The following KIAA0040 variants were observed in gnomAD, a reference collection of about 807,000 sequenced individuals.
KIAA0040 encodes the protein KIAA0040, also known as uncharacterized protein KIAA0040.
In KIAA0040, 10 loss-of-function variants were observed where a neutral mutation model predicts 7.2. That is an observed-to-expected ratio of 1.38 (90% CI 0.85 to 2.34). The LOEUF is 2.34. KIAA0040 is among the 30% of genes most tolerant of loss of function. KIAA0040 has a pLI of 0.00. For synonymous variants in KIAA0040, 49 were observed against 40.1 expected (o/e 1.22, Z -0.84); for missense variants, 89 against 108.2 (o/e 0.82, Z 0.79).
At chr1:175,181,630 C>A (rs1677442485) in intron 1 of KIAA0040, among the ~76,000 whole-genome samples, 2 of 152,068 alleles carry the variant, frequency 1.3e-5, no homozygotes, top group South Asian at 4.1e-4. Flanking sequence ...GGGAACTGGA[C>A]AAGCACAGGC....
chr1:175,166,316 A>C (rs905716035), intron 3 of KIAA0040, among the ~76,000 whole-genome samples: 7 of 152,182 alleles, frequency 4.6e-5, no homozygotes, highest in African/African-American at 1.7e-4. Context: ...GGCTACGAAG[A>C]GTCATTTAAG....
intron 1 of KIAA0040, among the ~76,000 whole-genome samples, chr1:175,178,114 AACCAGGCCAGCCCCTTC>A (rs1331627568): frequency 6.6e-6 from 1 of 152,166 alleles, no homozygotes; most frequent in African/African-American, 2.4e-5. Context: ...TCCCCTCTAC[AACCAGGCCAGCCCCTTC>A]ACCTACTTGT....
rs1676343763 is a variant in KIAA0040, at chr1:175,157,756, T to C, written c.*2958A>G. The C allele has an allele frequency of 6.6e-6, 1 of 152,068 alleles. No individual in the cohort carries two copies. The highest frequency in any genetic ancestry group is 1.9e-4 in the East Asian group (1 of 5,168). The allele number at this position is 152,068 out of a possible 1,614,324, so 9.4% of individuals were successfully genotyped here. ...AAAGGAGCAATGGGGAAAGGCCTCC[T>C]CTGGCTGCCGTCCGGAGCCTGGCTA... On this transcript the variant is annotated 3_prime_UTR_variant, in exon 4 of 4. Transcript: ENST00000423313.
In KIAA0040 at chr1:175,160,896, T is replaced by C. The variant is rs377186715; in HGVS notation, c.118A>G (p.Ile40Val). ...CAACAGATGAAGAGGAGTGTGATGATCACCAAGAGTGGCAGGCCCAGGAGG... is the reference window on the plus strand; with the variant it reads ...CAACAGATGAAGAGGAGTGTGATGACCACCAAGAGTGGCAGGCCCAGGAGG... The part of the protein sequence containing the change: ...GVLLGLPLLV[I>V]ITLLFICCHC... The change falls in exon 4 of 4, where the codon ATC (isoleucine) becomes GTC (valine). Residue 40 changes from isoleucine (I) to valine (V), a missense_variant. By Grantham distance (29) the Ile-to-Val change is conservative. Transcript: ENST00000423313. 3.2e-6 allele frequency: 5 copies of C among 1,551,538 alleles called. No individual in the cohort carries two copies. The highest frequency in any genetic ancestry group is 4.9e-5 in the East Asian group (2 of 40,906).
At chr1:175,164,674 T>C (rs188254361) in intron 3 of KIAA0040, among the ~76,000 whole-genome samples, 2 of 152,344 alleles carry the variant, frequency 1.3e-5, no homozygotes, top group Admixed American at 6.5e-5. Flanking sequence ...TCATTAACAT[T>C]TGGGAAGCCA....
intron 3 of KIAA0040, among the ~76,000 whole-genome samples, chr1:175,166,159 T>C (rs1210359897): frequency 1.3e-5 from 2 of 152,066 alleles, no homozygotes; most frequent in Non-Finnish European, 2.9e-5. Context: ...TGGGGGGCCA[T>C]TTTATAACTG....
chr1:175,159,104 A>G lies in KIAA0040; in HGVS notation c.*1610T>C, dbSNP rs763857905. 1.3e-5 allele frequency: 2 copies of G among 152,280 alleles called. No individual in the cohort carries two copies. The highest frequency in any genetic ancestry group is 2.9e-5 in the Non-Finnish European group (2 of 68,032). 9.4% of individuals were successfully genotyped at this position (152,280 alleles called of 1,614,324 possible). On this transcript the variant is annotated 3_prime_UTR_variant, in exon 4 of 4. Transcript: ENST00000423313. ...AAATATTTCAAGAGAGCTGCCCAGC[A>G]TATTTGTAAATAAACTTCTAGAGCA...
chr1:175,169,373 G>A (rs74795912), intron 2 of KIAA0040, among the ~76,000 whole-genome samples: 2,238 of 152,246 alleles, frequency 0.015, 60 homozygotes, highest in African/African-American at 0.052. Context: ...CATTGGGCAG[G>A]TTAACCTCTC....
At chr1:175,185,300 G>A (rs1388261701) in intron 1 of KIAA0040, among the ~76,000 whole-genome samples, 1 of 152,182 alleles carries the variant, frequency 6.6e-6, no homozygotes, top group Non-Finnish European at 1.5e-5. Context: ...ATGAGGGTTA[G>A]GTAAGGGAAA....
At chr1:175,182,905 T>G (rs1677494275) in intron 1 of KIAA0040, among the ~76,000 whole-genome samples, 2 of 152,164 alleles carry the variant, frequency 1.3e-5, no homozygotes, top group Admixed American at 1.3e-4. Flanking sequence ...GCTTGTGACC[T>G]CTGCTGGGGC....
chr1:175,160,507 T>G lies in KIAA0040; in HGVS notation c.*207A>C. On this transcript the variant is annotated 3_prime_UTR_variant, in exon 4 of 4. Transcript: ENST00000423313. The stretch of plus-strand genomic sequence containing the variant: ...GTAAGGAGCATTGCTATTGGACACA[T>G]AGCTGCCAAGACAGTATCCAAGAAT... 1 of 576,804 alleles carries G rather than the reference T, an allele frequency of 1.7e-6. No homozygotes were observed. Among genetic ancestry groups the G allele is most frequent in the Non-Finnish European group, 3.1e-6 (1 of 327,422 alleles). 35.7% of individuals were successfully genotyped at this position (576,804 alleles called of 1,614,324 possible).
At chr1:175,189,409 G>A (rs915486767) in intron 1 of KIAA0040, among the ~76,000 whole-genome samples, 2 of 152,178 alleles carry the variant, frequency 1.3e-5, no homozygotes, top group African/African-American at 2.4e-5. Context: ...CTAGCAGGTG[G>A]AATATTGGTG....
intron 3 of KIAA0040, among the ~76,000 whole-genome samples, chr1:175,164,266 T>C (rs1377236129): frequency 6.6e-6 from 1 of 152,210 alleles, no homozygotes; most frequent in Non-Finnish European, 1.5e-5. Context: ...TTATCAAACA[T>C]TCACTGAGCA....
Position 175,167,368 on chromosome 1 carries a change from T to C in KIAA0040, c.-309-631A>G, listed in dbSNP as rs187182956. 1.6e-3 allele frequency among the ~76,000 whole-genome samples: 249 copies of C among 152,242 alleles called. 1 individual carries two copies. Among genetic ancestry groups the C allele is most frequent in the Non-Finnish European group, 2.6e-3 (178 of 68,026 alleles). ...AGTGTCCCCCCAAAGTCTGGAAACA[T>C]AGGCAAACAATACCTGTATTGTGCT... On this transcript the variant is annotated intron_variant, in intron 2 of 3. Coordinates refer to ENST00000423313, the MANE Select transcript of KIAA0040 (RefSeq NM_014656.3).
chr1:175,182,024 A>G (rs895165277), intron 1 of KIAA0040, among the ~76,000 whole-genome samples: 1 of 152,124 alleles, frequency 6.6e-6, no homozygotes, highest in Non-Finnish European at 1.5e-5. Flanking sequence ...CATTCCAGGG[A>G]CCACTCCAGC....
chr1:175,163,350 G>T (rs1676626481), intron 3 of KIAA0040, among the ~76,000 whole-genome samples: 1 of 152,192 alleles, frequency 6.6e-6, no homozygotes, highest in Non-Finnish European at 1.5e-5. Context: ...ACAAAGTTCT[G>T]CCCAAGTGCA....
At chr1:175,166,312 G>A (rs11585368) in intron 3 of KIAA0040, among the ~76,000 whole-genome samples, 59,900 of 152,004 alleles carry the variant, frequency 0.39, 12,219 homozygotes, top group Non-Finnish European at 0.45. Flanking sequence ...TGTTGGCTAC[G>A]AAGAGTCATT....
intron 2 of KIAA0040, chr1:175,176,391 A>G (rs1677189919): frequency 6.6e-6 from 1 of 152,224 alleles, no homozygotes; most frequent in African/African-American, 2.4e-5. Context: ...CATTCCAATA[A>G]TAACTCACCT....
chr1:175,173,782 C>T (rs1677077815), intron 2 of KIAA0040, among the ~76,000 whole-genome samples: 1 of 152,180 alleles, frequency 6.6e-6, no homozygotes, highest in Non-Finnish European at 1.5e-5. Context: ...AAGAGAAGTG[C>T]AATACAGCAT....
Sources: gnomAD v4.1 joint callset for allele counts (sites outside exome capture counted in the v4.1 genomes callset) on GRCh38, gnomAD v4.1.1 for gene constraint, MANE v1.5 for transcripts, NCBI Gene and HGNC (gene_info 2026-07-23, HGNC 2026-07-21) for gene names.